Variants in EPHA1 observed in about 807,000 individuals in gnomAD.
EPHA1 encodes ephrin type-A receptor 1.
In EPHA1, 92 loss-of-function variants were observed where a neutral mutation model predicts 110.1. The ratio of observed to expected loss-of-function variants is 0.84; its 90% CI spans 0.71 to 0.99. The LOEUF (loss-of-function observed/expected upper bound fraction) is 0.99, where lower values mean the gene tolerates loss of function less well. EPHA1 is among the 50% of genes least tolerant of loss of function. The pLI is 0.00. For synonymous variants in EPHA1, 500 were observed against 516.1 expected, an observed-to-expected ratio of 0.97 and a Z score of 0.42; for missense variants, 1,204 against 1,285.4, an observed-to-expected ratio of 0.94 and a Z score of 0.97.
rs766472808 is a variant in EPHA1, at chr7:143,394,988, C to T, written c.2172G>A (p.Gly724=). The change falls in exon 14 of 18, where the codon GGG becomes GGA. Residue 724 remains glycine (G), a synonymous_variant. Transcript: ENST00000275815. ...LREREDQLVP[G]QLVAMLQGIA... is the part of the protein sequence containing the mutation. ...TGCCCTGCAGCATGGCCACTAGCTG[C>T]CCAGGGACCAGCTGGTCCTCCCGCT... 7 of 1,613,958 alleles carry T rather than the reference C, an allele frequency of 4.3e-6. No homozygotes were observed. In the African/African-American group the frequency reaches 8.0e-5, roughly 18 times the overall value.
chr7:143,395,188 A>G lies in EPHA1; in HGVS notation c.2084-6T>C. 1.1e-5 allele frequency: 17 copies of G among 1,613,414 alleles called. No individual in the cohort carries two copies. The highest frequency in any genetic ancestry group is 1.4e-5 in the Non-Finnish European group (17 of 1,180,028). ...GATGATCATGATCGGCTTTCCTGAGACACAGACACACATATCACACTCAGA... is the reference window on the plus strand; with the variant it reads ...GATGATCATGATCGGCTTTCCTGAGGCACAGACACACATATCACACTCAGA... On this transcript the variant is annotated splice_region_variant and splice_polypyrimidine_tract_variant and intron_variant, in intron 12 of 17. Transcript: ENST00000275815. This position sits in a 1 kb window ranked among gnomAD's most constrained non-coding sequence, Gnocchi z 4.7.
At chr7:143,394,648 C>T (rs1805192915) in intron 14 of EPHA1, among the ~76,000 whole-genome samples, 160 bp downstream of exon 14, 1 of 152,130 alleles carries the variant, frequency 6.6e-6, no homozygotes, top group African/African-American at 2.4e-5. Flanking sequence ...TCTCGATCTC[C>T]TGACCTTGTG....
In EPHA1 at chr7:143,398,368, G is replaced by C. The variant is rs201944531; in HGVS notation, c.1417C>G (p.Arg473Gly). 50 of 1,614,032 alleles carry C rather than the reference G, an allele frequency of 3.1e-5. No individual in the cohort carries two copies. The highest frequency in any genetic ancestry group is 1.6e-4 in the Middle Eastern group (1 of 6,084). Residue 473 changes from arginine (R) to glycine (G), a missense_variant, in exon 7 of 18, where the codon CGA (arginine) becomes GGA (glycine). Physicochemically the swap from Arg to Gly is moderately radical, Grantham distance 125. Transcript: ENST00000275815. ...LELTWAGSRPRSPGANLTYEL... is the reference protein window; with the variant it reads ...LELTWAGSRPGSPGANLTYEL... ...TAGGTCAGGTTCGCCCCAGGGCTTC[G>C]GGGCCGGGACCCCGCCCAGGTCAGC...
At position 143,399,009 on chromosome 7, in the gene EPHA1, G is replaced by A. The variant is rs898680148; in HGVS notation, c.992-64C>T. ...GCTGTCACCCGAGCTGCTGATCCCC[G>A]GCCTCCACCACCACCCAATTCTCGA... is the stretch of plus-strand genomic sequence containing the variant. On this transcript the variant is annotated intron_variant, in intron 5 of 17. Coordinates refer to ENST00000275815, the MANE Select transcript of EPHA1 (RefSeq NM_005232.5). 11 of 1,430,764 alleles carry A rather than the reference G, an allele frequency of 7.7e-6. No individual in the cohort carries two copies. In the Admixed American group the frequency reaches 9.0e-5, roughly 12 times the overall value. The allele number at this position is 1,430,764 out of a possible 1,614,324, so 88.6% of individuals were successfully genotyped here.
chr7:143,401,037 G>A lies in EPHA1; in HGVS notation c.432+287C>T. 1 of 433,386 alleles carries A rather than the reference G, an allele frequency of 2.3e-6. No individual in the cohort carries two copies. Among genetic ancestry groups the A allele is most frequent in the Non-Finnish European group, 4.2e-6 (1 of 235,900 alleles). The allele number at this position is 433,386 out of a possible 1,614,324, so 26.8% of individuals were successfully genotyped here. A position where few individuals can be genotyped will look rare whatever the true frequency, so the allele number is the denominator to read the frequency against. On this transcript the variant is annotated intron_variant, in intron 3 of 17. Coordinates refer to ENST00000275815, the MANE Select transcript of EPHA1 (RefSeq NM_005232.5). This position sits in a 1 kb window ranked among gnomAD's most constrained non-coding sequence, Gnocchi z 4.1. ...GCCTCCTGAGTCGCTGGGACTACAGGTATGGGCCACCATGCCCAGGTGATT... is the reference window on the plus strand; with the variant it reads ...GCCTCCTGAGTCGCTGGGACTACAGATATGGGCCACCATGCCCAGGTGATT...
Position 143,401,168 on chromosome 7 carries a change from C to G in EPHA1, c.432+156G>C, listed in dbSNP as rs1402221669. Reference sequence around the variant, plus strand: ...TCGGTTTCCCAAAGCACTGGAATTACAGGCACAAGCCACCATGCCCAGCCT... The same window carrying G: ...TCGGTTTCCCAAAGCACTGGAATTAGAGGCACAAGCCACCATGCCCAGCCT... On this transcript the variant is annotated intron_variant, in intron 3 of 17. Coordinates refer to ENST00000275815, the MANE Select transcript of EPHA1 (RefSeq NM_005232.5). This position sits in a 1 kb window ranked among gnomAD's most constrained non-coding sequence, Gnocchi z 4.1. 5 of 954,156 alleles carry G rather than the reference C, an allele frequency of 5.2e-6. No homozygotes were observed. Among genetic ancestry groups the G allele is most frequent in the Non-Finnish European group, 7.7e-6 (5 of 651,808 alleles). 59.1% of individuals were successfully genotyped at this position (954,156 alleles called of 1,614,324 possible).
chr7:143,394,740 A>G, intron 14 of EPHA1, 68 bp downstream of exon 14: 10 of 1,577,820 alleles, frequency 6.3e-6, no homozygotes, highest in East Asian at 4.5e-5. Flanking sequence ...GCCTATATAC[A>G]TGTGACTGTA....
intron 2 of EPHA1, among the ~76,000 whole-genome samples, chr7:143,406,437 A>C (rs190541765): frequency 6.0e-4 from 92 of 152,330 alleles, no homozygotes; most frequent in South Asian, 1.0e-3. Flanking sequence ...TCTGGTGTTC[A>C]TGGTACCATT....
rs1805067156 is a variant in EPHA1, at chr7:143,391,234, T to C, written c.*223A>G. On this transcript the variant is annotated 3_prime_UTR_variant, in exon 18 of 18. Transcript: ENST00000275815. The stretch of plus-strand genomic sequence containing the variant: ...GTATGTATGTATATATATTAACCCC[T>C]CAGCTCCCTCCCATGATCATCCTTT... 1.7e-6 allele frequency: 1 copy of C among 588,560 alleles called. No homozygotes were observed. Among genetic ancestry groups the C allele is most frequent in the Admixed American group, 3.0e-5 (1 of 33,352 alleles). 36.5% of individuals were successfully genotyped at this position (588,560 alleles called of 1,614,324 possible). A position where few individuals can be genotyped will look rare whatever the true frequency, so the allele number is the denominator to read the frequency against.
chr7:143,407,346 C>G (rs116009423), intron 2 of EPHA1, among the ~76,000 whole-genome samples: 2,147 of 152,234 alleles, frequency 0.014, 52 homozygotes, highest in African/African-American at 0.048. Context: ...CTCCTCTCCC[C>G]CTCACAAGTA....
Position 143,393,975 on chromosome 7 carries a change from G to A in EPHA1, c.2503-111C>T. ...AGTGGAGATCCTAGGATGGGAGGAG[G>A]TGGGAGGACCAGGGTGGGACGATCA... is the stretch of plus-strand genomic sequence containing the variant. On this transcript the variant is annotated intron_variant, in intron 15 of 17. Transcript: ENST00000275815. This position sits in a 1 kb window ranked among gnomAD's most constrained non-coding sequence, Gnocchi z 5.6. 2 of 1,348,294 alleles carry A rather than the reference G, an allele frequency of 1.5e-6. No individual in the cohort carries two copies. The highest frequency in any genetic ancestry group is 2.0e-6 in the Non-Finnish European group (2 of 995,542). The allele number at this position is 1,348,294 out of a possible 1,614,324, so 83.5% of individuals were successfully genotyped here.
At position 143,398,848 on chromosome 7, in the gene EPHA1, A is replaced by T; in HGVS notation, c.1089T>A (p.Asp363Glu). 1 of 1,613,398 alleles carries T rather than the reference A, an allele frequency of 6.2e-7. No homozygotes were observed. The highest frequency in any genetic ancestry group is 8.5e-7 in the Non-Finnish European group (1 of 1,179,920). ...GGGAACACCTCACACTGTATCTGACATCCTGGCGTCCCCCCGTATCTGCTG... is the reference window on the plus strand; with the variant it reads ...GGGAACACCTCACACTGTATCTGACTTCCTGGCGTCCCCCCGTATCTGCTG... ...EPPADTGGRQ[D>E]VRYSVRCSQC... Residue 363 changes from aspartate (D) to glutamate (E), a missense_variant, in exon 6 of 18, where the codon GAT (aspartate) becomes GAA (glutamate). By Grantham distance (45) the Asp-to-Glu change is conservative. Transcript: ENST00000275815.
rs776076308 is a variant in EPHA1 at position 143,398,900 on chromosome 7, G to A, written c.1037C>T (p.Thr346Ile). 2 of 1,613,278 alleles carry A rather than the reference G, an allele frequency of 1.2e-6. No individual in the cohort carries two copies. The highest frequency in any genetic ancestry group is 2.2e-5 in the South Asian group (2 of 91,030). Residue 346 changes from threonine (T) to isoleucine (I), a missense_variant, in exon 6 of 18, where the codon ACT (threonine) becomes ATT (isoleucine). Physicochemically the swap from Thr to Ile is moderately conservative, Grantham distance 89. Coordinates refer to ENST00000275815, the MANE Select transcript of EPHA1 (RefSeq NM_005232.5). ...GGGTTCCCAACGCAGGGAGAGCTGAGTCCCTGAGGCAGAGAAGCTCAGGTT... is the reference window on the plus strand; with the variant it reads ...GGGTTCCCAACGCAGGGAGAGCTGAATCCCTGAGGCAGAGAAGCTCAGGTT... ...PRNLSFSASG[T>I]QLSLRWEPPA...
rs1461815005 is a variant in EPHA1 at position 143,395,029 on chromosome 7, G to A, written c.2146-15C>T. ...TCCTCCCGCTCCTGCAGCAGGGTGA[G>A]TGGGTGAGTCAGGGGATGGGCCAGG... On this transcript the variant is annotated splice_polypyrimidine_tract_variant and intron_variant, in intron 13 of 17. Transcript: ENST00000275815. This position sits in a 1 kb window ranked among gnomAD's most constrained non-coding sequence, Gnocchi z 4.7. 2 of 1,613,906 alleles carry A rather than the reference G, an allele frequency of 1.2e-6. No individual in the cohort carries two copies. Among genetic ancestry groups the A allele is most frequent in the East Asian group, 2.2e-5 (1 of 44,876 alleles).
In EPHA1 at chr7:143,398,961, A is replaced by T; in HGVS notation, c.992-16T>A. On this transcript the variant is annotated splice_polypyrimidine_tract_variant and intron_variant, in intron 5 of 17. Transcript: ENST00000275815. ...GAGGGGGGACCTGTGGGAGAAGAGG[A>T]GCCATCAGTAGAAGCCGACCTCGCT... 3 of 1,572,640 alleles carry T rather than the reference A, an allele frequency of 1.9e-6. No individual in the cohort carries two copies. Among genetic ancestry groups the T allele is most frequent in the Non-Finnish European group, 2.6e-6 (3 of 1,159,294 alleles).
chr7:143,407,575 G>T, intron 2 of EPHA1, 36 bp downstream of exon 2: 1 of 1,606,526 alleles, frequency 6.2e-7, no homozygotes, highest in South Asian at 1.1e-5. Context: ...TGGCCTTCAG[G>T]AGTTTTCCAA....
intron 2 of EPHA1, among the ~76,000 whole-genome samples, chr7:143,402,989 C>G (rs1938115984): frequency 6.6e-6 from 1 of 152,186 alleles, no homozygotes; most frequent in Admixed American, 6.5e-5. Context: ...CTCCAGAGAA[C>G]TGCTTGAATG....
Position 143,401,403 on chromosome 7 carries a change from C to T in EPHA1, c.353G>A (p.Cys118Tyr), listed in dbSNP as rs1233382933. The change falls in exon 3 of 18, where the codon TGC becomes TAC. Residue 118 changes from cysteine to tyrosine, a missense_variant. Cys to Tyr is a radical substitution (Grantham distance 194, BLOSUM62 -2). Coordinates refer to ENST00000275815, the MANE Select transcript of EPHA1 (RefSeq NM_005232.5). The surrounding 1 kb of genome is among the most constrained non-coding windows in gnomAD (Gnocchi z 4.1). ...GTACAGAAGGTTGAAGGTCTCCTTG[C>T]AGCCCAGAGGCCCGGCTCCCCCAGG... is the stretch of plus-strand genomic sequence containing the variant. The part of the protein sequence containing the change: ...SFPGGAGPLG[C>Y]KETFNLLYME... The T allele has an allele frequency of 1.9e-6, 3 of 1,614,160 alleles. No homozygotes were observed. The highest frequency in any genetic ancestry group is 2.2e-5 in the East Asian group (1 of 44,876).
chr7:143,394,177 G>A lies in EPHA1; in HGVS notation c.2502+17C>T, dbSNP rs1195511283. The A allele has an allele frequency of 1.2e-6, 2 of 1,602,718 alleles. No individual in the cohort carries two copies. The highest frequency in any genetic ancestry group is 2.7e-5 in the African/African-American group (2 of 74,670). Reference sequence around the variant, plus strand: ...TGTGAATTGGAGACAAGATGAGGAAGAATATTCTGGGCTCACCTCCTGATT... The same window carrying A: ...TGTGAATTGGAGACAAGATGAGGAAAAATATTCTGGGCTCACCTCCTGATT... On this transcript the variant is annotated intron_variant, in intron 15 of 17. Coordinates refer to ENST00000275815, the MANE Select transcript of EPHA1 (RefSeq NM_005232.5).
Sources: allele counts gnomAD v4.1 joint callset (sites outside exome capture counted in the v4.1 genomes callset), GRCh38; gene constraint gnomAD v4.1.1; non-coding constraint Gnocchi (gnomAD v3.1); transcripts MANE v1.5; gene names NCBI Gene and HGNC (gene_info 2026-07-23, HGNC 2026-07-21).